The following ZFAND4 variants were observed in gnomAD, a reference collection of about 807,000 sequenced individuals.
ZFAND4 encodes the protein AN1-type zinc finger protein 4.
In ZFAND4, 43 loss-of-function variants were observed where a neutral mutation model predicts 64.4. The observed-to-expected ratio is 0.67, with a 90% confidence interval of 0.52 to 0.86. The LOEUF (loss-of-function observed/expected upper bound fraction) is 0.86, where lower values mean the gene tolerates loss of function less well. Among genes scored for constraint, ZFAND4 ranks in the 40% least tolerant of loss-of-function variants. The pLI is 0.00. For synonymous variants in ZFAND4, 296 were observed against 305.7 expected (o/e 0.97, Z 0.33); for missense variants, 929 against 859.8 (o/e 1.08, Z -1.01).
intron 4 of ZFAND4, chr10:45,651,468 T>C: frequency 6.9e-6 from 3 of 435,066 alleles, no homozygotes; most frequent in South Asian, 5.2e-5. Context: ...CAATACGTAT[T>C]TGTTGAATGA....
At chr10:45,664,458 G>A (rs189317250) in intron 1 of ZFAND4, among the ~76,000 whole-genome samples, 3 of 151,488 alleles carry the variant, frequency 2.0e-5, no homozygotes, top group African/African-American at 4.8e-5. Flanking sequence ...TAGTAGAGAC[G>A]GGGTTTCACC....
At chr10:45,664,879 C>T (rs1589440546) in intron 1 of ZFAND4, among the ~76,000 whole-genome samples, 3 of 151,914 alleles carry the variant, frequency 2.0e-5, no homozygotes, top group East Asian at 3.9e-4. Context: ...TGCGGTGAGC[C>T]GAGATTGCGC....
intron 4 of ZFAND4, chr10:45,649,175 T>G (rs956978657): frequency 6.9e-6 from 1 of 145,356 alleles, no homozygotes; most frequent in Non-Finnish European, 1.5e-5. Context: ...AAAAAAAAAG[T>G]ACACACACAC....
At chr10:45,662,306 C>T (rs1329622758) in intron 2 of ZFAND4, among the ~76,000 whole-genome samples, 5 of 152,198 alleles carry the variant, frequency 3.3e-5, no homozygotes, top group South Asian at 2.1e-4. Context: ...CTGGTTCTGA[C>T]TCATGGAAAC....
chr10:45,652,038 G>T lies in ZFAND4; in HGVS notation c.261-5C>A. The T allele has an allele frequency of 6.2e-7, 1 of 1,613,376 alleles. No individual in the cohort carries two copies. The highest frequency in any genetic ancestry group is 8.5e-7 in the Non-Finnish European group (1 of 1,179,538). On this transcript the variant is annotated splice_region_variant and splice_polypyrimidine_tract_variant and intron_variant, in intron 3 of 9. Coordinates refer to ENST00000344646, the MANE Select transcript of ZFAND4 (RefSeq NM_174890.4). ...AAGGTACACCCTTCTGAAATGCTGT[G>T]GATAGTTAACACAAAAATAAATCAT... is the stretch of plus-strand genomic sequence containing the variant.
chr10:45,631,358 CAAAT>C (rs1244513172), intron 6 of ZFAND4, among the ~76,000 whole-genome samples: 4 of 145,866 alleles, frequency 2.7e-5, no homozygotes, highest in Admixed American at 6.8e-5. Context: ...AACAAAAAAA[CAAAT>C]AAAGTACTAA....
intron 2 of ZFAND4, among the ~76,000 whole-genome samples, chr10:45,657,109 G>A (rs908498250): frequency 6.6e-6 from 1 of 151,430 alleles, no homozygotes; most frequent in African/African-American, 2.4e-5. Context: ...CATGTCCTGA[G>A]CTCAAGCGAT....
At position 45,640,461 on chromosome 10, in the gene ZFAND4, C is replaced by T. The variant is rs1564592389; in HGVS notation, c.570-498G>A. 2.5e-6 allele frequency: 3 copies of T among 1,183,704 alleles called. No individual in the cohort carries two copies. In the South Asian group the frequency reaches 4.4e-5, roughly 18 times the overall value. The allele number at this position is 1,183,704 out of a possible 1,614,324, so 73.3% of individuals were successfully genotyped here. A position where few individuals can be genotyped will look rare whatever the true frequency, so the allele number is the denominator to read the frequency against. On this transcript the variant is annotated intron_variant, in intron 5 of 9. Coordinates refer to ENST00000344646, the MANE Select transcript of ZFAND4 (RefSeq NM_174890.4). Reference sequence around the variant, plus strand: ...AAAAAAAGAATTCATACACAGGTGTCATCAGAACATTTTCTATTCTTAAGG... The same window carrying T: ...AAAAAAAGAATTCATACACAGGTGTTATCAGAACATTTTCTATTCTTAAGG...
chr10:45,661,543 C>T (rs1233949807), intron 2 of ZFAND4, among the ~76,000 whole-genome samples: 1 of 152,154 alleles, frequency 6.6e-6, no homozygotes, highest in Non-Finnish European at 1.5e-5. Flanking sequence ...TCATCTCTGC[C>T]CTCCGTATTC....
intron 1 of ZFAND4, among the ~76,000 whole-genome samples, chr10:45,667,458 C>CT (rs60572011): frequency 1.4e-3 from 131 of 90,506 alleles, no homozygotes; most frequent in African/African-American, 3.6e-3. Flanking sequence ...TCTTTTCTTT[C>CT]TTTTTTTTTT....
chr10:45,625,878 A>G, intron 7 of ZFAND4, 73 bp downstream of exon 7: 2 of 1,422,728 alleles, frequency 1.4e-6, no homozygotes. Context: ...TTATGTAAAC[A>G]AAAACCAAAC....
At chr10:45,623,420 G>A (rs189853157) in intron 8 of ZFAND4, among the ~76,000 whole-genome samples, 115 of 152,228 alleles carry the variant, frequency 7.6e-4, no homozygotes, top group African/African-American at 2.5e-3. Context: ...GTGTGTATGT[G>A]TATATTGTGT....
Position 45,653,103 on chromosome 10 carries a change from G to C in ZFAND4, c.185-44C>G, listed in dbSNP as rs768624092. On this transcript the variant is annotated intron_variant, in intron 2 of 9. Coordinates refer to ENST00000344646, the MANE Select transcript of ZFAND4 (RefSeq NM_174890.4). ...AAAAAAAGTGTTAAAGAATTCAATA[G>C]CATCTCCAAAAGAGTATGATACAAA... 5 of 1,372,774 alleles carry C rather than the reference G, an allele frequency of 3.6e-6. No individual in the cohort carries two copies. In the Admixed American group the frequency reaches 7.1e-5, roughly 19 times the overall value. 85.0% of individuals were successfully genotyped at this position (1,372,774 alleles called of 1,614,324 possible). A position where few individuals can be genotyped will look rare whatever the true frequency, so the allele number is the denominator to read the frequency against.
chr10:45,650,790 CAT>C (rs1281174636), intron 4 of ZFAND4: 1 of 152,064 alleles, frequency 6.6e-6, no homozygotes, highest in Non-Finnish European at 1.5e-5. Context: ...ATAAACATCA[CAT>C]AGTTATTACT....
rs765420898 is a variant in ZFAND4 at position 45,626,293 on chromosome 10, C to G, written c.1530G>C (p.Leu510=). 1 of 1,614,138 alleles carries G rather than the reference C, an allele frequency of 6.2e-7. No homozygotes were observed. Among genetic ancestry groups the G allele is most frequent in the Admixed American group, 1.7e-5 (1 of 60,014 alleles). ...AAGAATCAGTTATGTTTTGAACATC[C>G]AGTGACTGAGAAGAAGAAGGCTGTA... ...GKLQPSSSQS[L]DVQNITDSSF... Residue 510 remains leucine, a synonymous_variant, in exon 7 of 10, where the codon CTG becomes CTC. Transcript: ENST00000344646.
At chr10:45,647,827 G>A (rs1267303630) in intron 5 of ZFAND4, among the ~76,000 whole-genome samples, 3 of 152,160 alleles carry the variant, frequency 2.0e-5, no homozygotes, top group Admixed American at 6.5e-5. Context: ...TAACTGAGAG[G>A]TTGCCTTGTC....
At chr10:45,627,463 T>C (rs1321452554) in intron 6 of ZFAND4, among the ~76,000 whole-genome samples, 5 of 150,998 alleles carry the variant, frequency 3.3e-5, no homozygotes, top group African/African-American at 1.2e-4. Context: ...TTCATTGGAC[T>C]GGTACACAGA....
chr10:45,631,353 A>G (rs1201956035), intron 6 of ZFAND4, among the ~76,000 whole-genome samples: 1 of 151,232 alleles, frequency 6.6e-6, no homozygotes, highest in East Asian at 1.9e-4. Flanking sequence ...AAACAAACAA[A>G]AAAACAAATA....
At chr10:45,642,299 C>CAT (rs71023140) in intron 5 of ZFAND4, among the ~76,000 whole-genome samples, 2,046 of 150,698 alleles carry the variant, frequency 0.014, 20 homozygotes, top group Middle Eastern at 0.017. Context: ...TACATACACA[C>CAT]ATATATATAT....
Sources: allele counts gnomAD v4.1 joint callset (sites outside exome capture counted in the v4.1 genomes callset), GRCh38; gene constraint gnomAD v4.1.1; transcripts MANE v1.5; gene names NCBI Gene and HGNC (gene_info 2026-07-23, HGNC 2026-07-21).